Variants in DTNB observed in about 807,000 individuals in gnomAD.
DTNB encodes dystrobrevin beta, also known as DTN-B.
A neutral mutation model predicts 90.7 loss-of-function variants in DTNB; 63 were observed. The observed-to-expected ratio is 0.69, with a 90% CI of 0.57 to 0.86. The LOEUF (loss-of-function observed/expected upper bound fraction) is 0.86, where lower values mean the gene tolerates loss of function less well. Ranked by LOEUF, DTNB falls within the 40% of genes least tolerant of loss-of-function variation. The pLI, the probability that DTNB is intolerant of heterozygous loss-of-function variation, is 0.00. For missense variants in DTNB, 744 were observed against 807.1 expected (o/e 0.92, Z 0.95); for synonymous variants, 277 against 286.7 (o/e 0.97, Z 0.34).
At chr2:25,544,928 TCC>T (rs2151052211) in intron 8 of DTNB, among the ~76,000 whole-genome samples, 1 of 152,366 alleles carries the variant, frequency 6.6e-6, no homozygotes, top group African/African-American at 2.4e-5. Context: ...GGTGACAAAC[TCC>T]TTGAGACTTT....
chr2:25,582,364 C>T (rs1036494394), intron 6 of DTNB, among the ~76,000 whole-genome samples: 3 of 151,946 alleles, frequency 2.0e-5, no homozygotes, highest in Non-Finnish European at 4.4e-5. Flanking sequence ...ATCTTTCTAG[C>T]GACTGGGAGA....
At chr2:25,504,511 G>T (rs145069332) in intron 9 of DTNB, among the ~76,000 whole-genome samples, 1 of 146,252 alleles carries the variant, frequency 6.8e-6, no homozygotes, top group South Asian at 2.2e-4. Context: ...AGAAGGAAAG[G>T]CAAGAAAGAA....
At chr2:25,545,082 C>T (rs1338674397) in intron 8 of DTNB, among the ~76,000 whole-genome samples, 1 of 152,200 alleles carries the variant, frequency 6.6e-6, no homozygotes, top group Non-Finnish European at 1.5e-5. Flanking sequence ...GTTCAGCACT[C>T]TGTATTCTGA....
chr2:25,607,125 CATGGTA>C, intron 5 of DTNB, 105 bp downstream of exon 5: 2 of 1,150,660 alleles, frequency 1.7e-6, no homozygotes, highest in Non-Finnish European at 2.5e-6. Context: ...GCGTGAGTGA[CATGGTA>C]ATTTTTTTAA....
At chr2:25,462,624 A>C (rs971322041) in intron 10 of DTNB, among the ~76,000 whole-genome samples, 1 of 152,174 alleles carries the variant, frequency 6.6e-6, no homozygotes, top group Non-Finnish European at 1.5e-5. Flanking sequence ...TCTGGCACAT[A>C]TGTTGTCATA....
chr2:25,521,326 T>G (rs2076093466), intron 9 of DTNB, among the ~76,000 whole-genome samples: 1 of 151,992 alleles, frequency 6.6e-6, no homozygotes, highest in African/African-American at 2.4e-5. Flanking sequence ...ATTCTGCCAC[T>G]GGAGCTCGAA....
intron 2 of DTNB, among the ~76,000 whole-genome samples, chr2:25,639,535 T>C (rs1202635856): frequency 2.0e-5 from 3 of 151,068 alleles, no homozygotes; most frequent in Admixed American, 1.3e-4. Flanking sequence ...TGTCCTCATT[T>C]GGGAAATGAG....
intron 2 of DTNB, chr2:25,650,026 C>T (rs1341081754): frequency 1.1e-5 from 11 of 985,264 alleles, no homozygotes; most frequent in East Asian, 1.1e-4. Flanking sequence ...ACTTACCAAA[C>T]GTCTCCCAGA....
intron 4 of DTNB, among the ~76,000 whole-genome samples, chr2:25,627,938 G>T (rs148908441): frequency 6.6e-6 from 1 of 151,860 alleles, no homozygotes; most frequent in African/African-American, 2.4e-5. Context: ...GGGTTTCACC[G>T]TGTTAGCCGG....
chr2:25,488,786 G>T (rs2066741944), intron 9 of DTNB, among the ~76,000 whole-genome samples: 1 of 152,126 alleles, frequency 6.6e-6, no homozygotes, highest in Non-Finnish European at 1.5e-5. Flanking sequence ...GAGTAGCTGG[G>T]ATTACAGGCA....
At chr2:25,398,028 G>T (rs924736898) in intron 16 of DTNB, among the ~76,000 whole-genome samples, 1 of 152,158 alleles carries the variant, frequency 6.6e-6, no homozygotes, top group Non-Finnish European at 1.5e-5. Flanking sequence ...CCTGAGGACC[G>T]CACATCAGAG....
intron 9 of DTNB, among the ~76,000 whole-genome samples, chr2:25,518,218 A>T (rs962405416): frequency 8.6e-5 from 13 of 151,210 alleles, no homozygotes; most frequent in Non-Finnish European, 5.9e-5. Context: ...TATCCACAAT[A>T]AAAAAAAAGA....
At chr2:25,615,691 C>A (rs1274041545) in intron 4 of DTNB, among the ~76,000 whole-genome samples, 1 of 152,204 alleles carries the variant, frequency 6.6e-6, no homozygotes, top group Non-Finnish European at 1.5e-5. Context: ...CAGGAAATTA[C>A]AAGGGTCTCA....
chr2:25,445,600 G>C (rs2058286093), intron 12 of DTNB, among the ~76,000 whole-genome samples: 1 of 152,182 alleles, frequency 6.6e-6, no homozygotes, highest in Non-Finnish European at 1.5e-5. Context: ...GAGCCCGCCT[G>C]TCTGACTTCA....
At chr2:25,590,153 G>A (rs1037131960) in intron 6 of DTNB, among the ~76,000 whole-genome samples, 4 of 152,254 alleles carry the variant, frequency 2.6e-5, no homozygotes, top group African/African-American at 9.6e-5. Flanking sequence ...GGGTATTACA[G>A]CCCCGGCCTG....
chr2:25,558,394 G>C, intron 8 of DTNB: 1 of 985,396 alleles, frequency 1.0e-6, no homozygotes, highest in Non-Finnish European at 1.2e-6. Flanking sequence ...CTCCAGTGCA[G>C]CTCTGGTGGC....
intron 9 of DTNB, among the ~76,000 whole-genome samples, chr2:25,518,989 A>G (rs1022522436): frequency 3.9e-5 from 6 of 152,178 alleles, no homozygotes; most frequent in African/African-American, 1.4e-4. Flanking sequence ...CTTTTACCAA[A>G]AAGACAAATT....
chr2:25,531,588 C>A lies in DTNB; in HGVS notation c.886G>T (p.Ala296Ser). Residue 296 changes from alanine (A) to serine (S), a missense_variant, in exon 9 of 21, where the codon GCA becomes TCA. By Grantham distance (99) the Ala-to-Ser change is moderately conservative. Coordinates refer to ENST00000406818, the MANE Select transcript of DTNB (RefSeq NM_021907.5). ...MKEHSSWKSP[A>S]KKLSHAISKS... is the part of the protein sequence containing the mutation. The stretch of plus-strand genomic sequence containing the variant: ...CTAATTGCATGGCTCAGCTTCTTTG[C>A]AGGAGATTTCTGTGTCAAAGCAGAA... 1 of 1,613,458 alleles carries A rather than the reference C, an allele frequency of 6.2e-7. No homozygotes were observed.
In DTNB at chr2:25,433,954, G is replaced by C; in HGVS notation, c.1299C>G (p.Asn433Lys). 1 of 1,613,632 alleles carries C rather than the reference G, an allele frequency of 6.2e-7. No individual in the cohort carries two copies. Among genetic ancestry groups the C allele is most frequent in the Non-Finnish European group, 8.5e-7 (1 of 1,179,778 alleles). Residue 433 changes from asparagine to lysine, a missense_variant, in exon 13 of 21, where the codon AAC becomes AAG. Coordinates refer to ENST00000406818, the MANE Select transcript of DTNB (RefSeq NM_021907.5). ...PTDLSFNFDA[N>K]KQQRQLIAEL... ...CTGCAATAAGCTGTCTTTGTTGTTT[G>C]TTGGCATCAAAGTTAAAGCTCAAGT...
Sources: gnomAD v4.1 joint callset for allele counts (sites outside exome capture counted in the v4.1 genomes callset) on GRCh38, gnomAD v4.1.1 for gene constraint, MANE v1.5 for transcripts, NCBI Gene and HGNC (gene_info 2026-07-23, HGNC 2026-07-21) for gene names.